The following NARS2 variants were observed in gnomAD, a reference collection of about 807,000 sequenced individuals.
NARS2 encodes asparaginyl-tRNA synthetase.
A neutral mutation model predicts 62.9 loss-of-function variants in NARS2; 60 were observed. That is an observed-to-expected ratio of 0.95 (90% CI 0.77 to 1.18). The LOEUF is 1.18. Ranked by LOEUF, NARS2 falls within the 50% of genes most tolerant of loss-of-function variation. The pLI, the probability that NARS2 is intolerant of heterozygous loss-of-function variation, is 0.00. For missense variants in NARS2, 619 were observed against 576.4 expected (o/e 1.07, Z -0.76); for synonymous variants, 196 against 200.0 (o/e 0.98, Z 0.17).
chr11:78,476,984 G>A (rs573366779), intron 9 of NARS2, among the ~76,000 whole-genome samples: 2 of 152,274 alleles, frequency 1.3e-5, no homozygotes, highest in Admixed American at 1.3e-4. Context: ...TCCATCTGTA[G>A]AATGAGAATA....
At chr11:78,491,207 T>C (rs1051206635) in intron 7 of NARS2, among the ~76,000 whole-genome samples, 4 of 152,224 alleles carry the variant, frequency 2.6e-5, no homozygotes, top group African/African-American at 9.6e-5. Flanking sequence ...AAGGTGGCTG[T>C]GCACTTTAGG....
At chr11:78,542,674 G>A (rs189026579) in intron 5 of NARS2, among the ~76,000 whole-genome samples, 3 of 152,280 alleles carry the variant, frequency 2.0e-5, no homozygotes, top group Non-Finnish European at 4.4e-5. Flanking sequence ...TGGGGTGGAG[G>A]CAGGAGGATT....
intron 6 of NARS2, among the ~76,000 whole-genome samples, chr11:78,503,051 T>C (rs905805024): frequency 6.0e-5 from 9 of 150,736 alleles, no homozygotes; most frequent in East Asian, 2.0e-4. Flanking sequence ...TTTACACACA[T>C]TTCATTTCAT....
rs879931663 is a variant in NARS2 at position 78,508,617 on chromosome 11, AC to A, written c.690-15423del. On this transcript the variant is annotated intron_variant, in intron 6 of 13. Coordinates refer to ENST00000281038, the MANE Select transcript of NARS2 (RefSeq NM_024678.6). ...AAAAAAAACAAAAAACAAAAAAAAA[AC>A]CATTGAAGAAATAATGGCTGAAAAC... 4.6e-3 allele frequency among the ~76,000 whole-genome samples: 690 copies of A among 151,012 alleles called. 2 individuals carry two copies. The highest frequency in any genetic ancestry group is 7.2e-3 in the Non-Finnish European group (486 of 67,596).
intron 13 of NARS2, among the ~76,000 whole-genome samples, chr11:78,439,887 T>A (rs1027586769): frequency 6.6e-6 from 1 of 152,130 alleles, no homozygotes; most frequent in South Asian, 2.1e-4. Flanking sequence ...AAAGTCTGCA[T>A]AAGGAAAACC....
intron 5 of NARS2, among the ~76,000 whole-genome samples, chr11:78,544,941 C>T (rs1565273068): frequency 6.6e-6 from 1 of 152,086 alleles, no homozygotes; most frequent in Non-Finnish European, 1.5e-5. Context: ...GATCGCGCCA[C>T]TGCACTCCAG....
chr11:78,474,166 T>G (rs1858990068), intron 9 of NARS2, among the ~76,000 whole-genome samples: 1 of 152,222 alleles, frequency 6.6e-6, no homozygotes, highest in Admixed American at 6.5e-5. Context: ...TCAAATTACC[T>G]AGTCTGACAT....
intron 2 of NARS2, 68 bp downstream of exon 2, chr11:78,571,267 T>C (rs1207020851): frequency 1.6e-5 from 15 of 924,304 alleles, no homozygotes; most frequent in Non-Finnish European, 2.5e-5. Flanking sequence ...AACACTGGAG[T>C]AGGGAAGTGA....
At chr11:78,540,144 GA>G (rs1855555688) in intron 5 of NARS2, among the ~76,000 whole-genome samples, 2 of 152,130 alleles carry the variant, frequency 1.3e-5, no homozygotes, top group African/African-American at 4.8e-5. Flanking sequence ...TCTGCCACTG[GA>G]AGACAGTAAA....
At chr11:78,443,847 C>A in intron 11 of NARS2, 89 bp from the exon 12 acceptor site, 1 of 900,098 alleles carries the variant, frequency 1.1e-6, no homozygotes. Context: ...AACATTTTGG[C>A]AATGGCTAAT....
intron 7 of NARS2, among the ~76,000 whole-genome samples, chr11:78,482,292 C>G (rs182593020): frequency 5.1e-4 from 78 of 152,086 alleles, no homozygotes; most frequent in African/African-American, 1.7e-3. Context: ...CATCAGAAAG[C>G]AGGAAAGATC....
chr11:78,447,038 C>T (rs932127974), intron 11 of NARS2, among the ~76,000 whole-genome samples: 1 of 137,020 alleles, frequency 7.3e-6, no homozygotes, highest in African/African-American at 2.9e-5. Context: ...ACTGAACAGA[C>T]ATTTCTCAAA....
At chr11:78,458,831 G>T (rs914524716) in intron 11 of NARS2, among the ~76,000 whole-genome samples, 1 of 152,066 alleles carries the variant, frequency 6.6e-6, no homozygotes, top group African/African-American at 2.4e-5. Flanking sequence ...ACTTGTTGTG[G>T]GAGATAACTG....
At chr11:78,445,584 T>C (rs1162097007) in intron 11 of NARS2, among the ~76,000 whole-genome samples, 10 of 152,242 alleles carry the variant, frequency 6.6e-5, no homozygotes, top group African/African-American at 2.4e-4. Context: ...ATCATGCCAC[T>C]GTACTCCAGC....
chr11:78,572,356 G>A (rs1856959776), intron 1 of NARS2, among the ~76,000 whole-genome samples: 1 of 152,258 alleles, frequency 6.6e-6, no homozygotes, highest in South Asian at 2.1e-4. Context: ...TTTTAGAGCT[G>A]ATGAAACATT....
intron 5 of NARS2, among the ~76,000 whole-genome samples, chr11:78,530,216 A>G (rs2135430276): frequency 6.6e-6 from 1 of 152,226 alleles, no homozygotes; most frequent in South Asian, 2.1e-4. Flanking sequence ...GCTTCCAAAG[A>G]TATTTAGTAC....
At chr11:78,517,414 G>A (rs1860954197) in intron 6 of NARS2, among the ~76,000 whole-genome samples, 1 of 152,182 alleles carries the variant, frequency 6.6e-6, no homozygotes, top group Non-Finnish European at 1.5e-5. Context: ...GCTGAGCAAA[G>A]AATCCATGTT....
chr11:78,497,734 C>G (rs541041556), intron 6 of NARS2, among the ~76,000 whole-genome samples: 8 of 152,188 alleles, frequency 5.3e-5, no homozygotes, highest in South Asian at 4.2e-4. Flanking sequence ...CCAGATACCC[C>G]CTTTTCAGCT....
intron 5 of NARS2, among the ~76,000 whole-genome samples, chr11:78,553,205 C>G (rs1244635607): frequency 6.6e-6 from 1 of 152,066 alleles, no homozygotes; most frequent in Admixed American, 6.5e-5. Flanking sequence ...CTCTAATGAT[C>G]AGTGATATTG....
Sources: allele counts gnomAD v4.1 joint callset (sites outside exome capture counted in the v4.1 genomes callset), GRCh38; gene constraint gnomAD v4.1.1; transcripts MANE v1.5; gene names NCBI Gene and HGNC (gene_info 2026-07-23, HGNC 2026-07-21).